LINGO2: variants seen among roughly 807,000 people sequenced by gnomAD.
The protein encoded by LINGO2 is leucine rich repeat and Ig domain containing 2, also known as leucine-rich repeat and immunoglobulin-like domain-containing nogo receptor-interacting protein 2.
Under a neutral mutation model 30.6 loss-of-function variants are expected in LINGO2, and 14 were observed. The ratio of observed to expected loss-of-function variants is 0.46; its 90% CI spans 0.30 to 0.72. The LOEUF (loss-of-function observed/expected upper bound fraction) is 0.72, where lower values mean the gene tolerates loss of function less well. Among genes scored for constraint, LINGO2 ranks in the 30% least tolerant of loss-of-function variants. The probability of loss-of-function intolerance (pLI) is 0.07; values close to 1 mark genes in which losing one functional copy is unlikely to be tolerated. For missense variants in LINGO2, 729 were observed against 751.7 expected, an observed-to-expected ratio of 0.97 and a Z score of 0.35; for synonymous variants, 317 against 288.5, an observed-to-expected ratio of 1.10 and a Z score of -1.00.
At chr9:28,849,137 C>T in the LINGO2 span, among the ~76,000 whole-genome samples, 8 of 119,942 alleles carry the variant, frequency 6.7e-5, no homozygotes, top group African/African-American at 2.5e-4. Context: ...CCACTATCAC[C>T]AGTAGGTACA....
At chr9:28,411,143 A>C (rs1180239144) in intron 2 of LINGO2, among the ~76,000 whole-genome samples, 1 of 132,944 alleles carries the variant, frequency 7.5e-6, no homozygotes, top group East Asian at 2.2e-4. Flanking sequence ...CCTTCTAAAC[A>C]AATAAATGTA....
At chr9:27,977,185 G>A (rs1820640659) in intron 5 of LINGO2, among the ~76,000 whole-genome samples, 1 of 150,514 alleles carries the variant, frequency 6.6e-6, no homozygotes, top group African/African-American at 2.4e-5. Context: ...TTTTCAAAGA[G>A]TGGAAGACCA....
chr9:28,378,496 G>T (rs1185999460), intron 2 of LINGO2, among the ~76,000 whole-genome samples: 1 of 152,150 alleles, frequency 6.6e-6, no homozygotes, highest in African/African-American at 2.4e-5. Context: ...GACTTTCCAT[G>T]AAGAGGCAGC....
intron 4 of LINGO2, among the ~76,000 whole-genome samples, chr9:28,127,237 T>C (rs1827261942): frequency 6.6e-6 from 1 of 152,148 alleles, no homozygotes; most frequent in South Asian, 2.1e-4. Flanking sequence ...GAATAGAATG[T>C]AGTATAAACG....
chr9:28,512,073 T>C (rs919641568), intron 1 of LINGO2, among the ~76,000 whole-genome samples: 8 of 152,090 alleles, frequency 5.3e-5, no homozygotes. Flanking sequence ...TTTGAGCCAC[T>C]TCCTCATGTA....
the LINGO2 span, among the ~76,000 whole-genome samples, chr9:29,021,378 G>A: frequency 1.3e-5 from 2 of 152,162 alleles, no homozygotes; most frequent in East Asian, 3.9e-4. Context: ...CATCGACTAG[G>A]CCAGGTGCGG....
the LINGO2 span, among the ~76,000 whole-genome samples, chr9:28,909,396 T>C: frequency 0.73 from 110,519 of 151,746 alleles, 40,524 homozygotes; most frequent in Non-Finnish European, 0.78. Flanking sequence ...AATTCTATAA[T>C]GTAGATAATC....
At chr9:29,038,802 G>A in the LINGO2 span, among the ~76,000 whole-genome samples, 1 of 151,820 alleles carries the variant, frequency 6.6e-6, no homozygotes, top group Middle Eastern at 3.2e-3. Context: ...ACAGAAAGTA[G>A]AGCAGGATTA....
chr9:28,869,494 C>T, the LINGO2 span, among the ~76,000 whole-genome samples: 10 of 151,858 alleles, frequency 6.6e-5, no homozygotes, highest in South Asian at 1.7e-3. Context: ...ACAGTACTTG[C>T]GAAATTCAAG....
intron 1 of LINGO2, among the ~76,000 whole-genome samples, chr9:28,563,288 A>C (rs1823200138): frequency 6.6e-6 from 1 of 152,104 alleles, no homozygotes; most frequent in Non-Finnish European, 1.5e-5. Flanking sequence ...TTTTTATACT[A>C]TCTCCTCTCT....
At chr9:28,588,291 G>A (rs1824670933) in intron 1 of LINGO2, among the ~76,000 whole-genome samples, 1 of 151,764 alleles carries the variant, frequency 6.6e-6, no homozygotes, top group Non-Finnish European at 1.5e-5. Context: ...ATTGGAGAAT[G>A]AAGTAATATT....
the LINGO2 span, among the ~76,000 whole-genome samples, chr9:28,915,919 C>A: frequency 6.6e-6 from 1 of 152,144 alleles, no homozygotes; most frequent in Non-Finnish European, 1.5e-5. Flanking sequence ...TGTAAAATCT[C>A]TGATAAACGG....
At chr9:28,970,523 C>T in the LINGO2 span, among the ~76,000 whole-genome samples, 10 of 152,044 alleles carry the variant, frequency 6.6e-5, no homozygotes, top group African/African-American at 2.4e-4. Context: ...GCAACCCCTC[C>T]CCCACCCCCC....
chr9:29,046,027 G>T, the LINGO2 span, among the ~76,000 whole-genome samples: 13 of 152,206 alleles, frequency 8.5e-5, no homozygotes, highest in South Asian at 2.5e-3. Context: ...AGCTAGAGGA[G>T]CTTTCAGGCC....
intron 4 of LINGO2, among the ~76,000 whole-genome samples, chr9:28,206,916 T>G (rs1294266173): frequency 6.6e-6 from 1 of 152,170 alleles, no homozygotes; most frequent in African/African-American, 2.4e-5. Flanking sequence ...TTTGTTCACT[T>G]AAGATGGAAC....
rs570697803 is a variant in LINGO2 at position 28,028,307 on chromosome 9, T to C, written c.-86-15902A>G. On this transcript the variant is annotated intron_variant, in intron 4 of 5. Coordinates refer to ENST00000379992, the Ensembl canonical transcript of LINGO2. ...GCAGGTGCAATGCCATCATATAAAA[T>C]CTTTATTTCATCGATTCTCATCTTT... 1.9e-4 allele frequency among the ~76,000 whole-genome samples: 29 copies of C among 152,266 alleles called. No individual in the cohort carries two copies. In the East Asian group the frequency reaches 5.6e-3, roughly 29 times the overall value.
Position 28,595,774 on chromosome 9 carries a change from G to C in LINGO2, c.-365+74426C>G, listed in dbSNP as rs1825144542. 3.9e-5 allele frequency among the ~76,000 whole-genome samples: 6 copies of C among 152,082 alleles called. No homozygotes were observed. In the South Asian group the frequency reaches 1.2e-3, roughly 31 times the overall value. ...AAACTAGGAAAGTAGGATCACAGCG[G>C]GGGAAACCCTAGAGTTGTATTGTCA... On this transcript the variant is annotated intron_variant, in intron 1 of 5. Coordinates refer to ENST00000379992, the Ensembl canonical transcript of LINGO2.
chr9:28,834,897 C>T, the LINGO2 span, among the ~76,000 whole-genome samples: 2 of 152,126 alleles, frequency 1.3e-5, no homozygotes, highest in Non-Finnish European at 2.9e-5. Flanking sequence ...AGGAAAAAAA[C>T]CATGTCTCGC....
At chr9:29,187,433 A>G in the LINGO2 span, among the ~76,000 whole-genome samples, 1 of 152,216 alleles carries the variant, frequency 6.6e-6, no homozygotes, top group Non-Finnish European at 1.5e-5. Context: ...ATCTCTAAGC[A>G]TACTATTTAT....
Sources: allele counts gnomAD v4.1 joint callset (sites outside exome capture counted in the v4.1 genomes callset), GRCh38; gene constraint gnomAD v4.1.1; transcripts MANE v1.5; gene names NCBI Gene and HGNC (gene_info 2026-07-23, HGNC 2026-07-21).